RORA: variants seen among roughly 807,000 people sequenced by gnomAD.
The protein encoded by RORA is RAR related orphan receptor A.
RORA carries 7 observed loss-of-function variants against 69.5 expected under a neutral mutation model. The ratio of observed to expected loss-of-function variants is 0.10; its 90% confidence interval spans 0.06 to 0.19. The LOEUF (loss-of-function observed/expected upper bound fraction) is 0.19. RORA is among the 10% of genes least tolerant of loss of function. The pLI, the probability that RORA is intolerant of heterozygous loss-of-function variation, is 1.00. For synonymous variants in RORA, 261 were observed against 240.8 expected (o/e 1.08, Z -0.78); for missense variants, 457 against 663.0 (o/e 0.69, Z 3.41).
chr15:61,126,301 C>T (rs2079142003), intron 1 of RORA, among the ~76,000 whole-genome samples: 1 of 152,172 alleles, frequency 6.6e-6, no homozygotes, highest in Non-Finnish European at 1.5e-5. Flanking sequence ...GATATATGTA[C>T]ACATGGTGAA....
intron 1 of RORA, among the ~76,000 whole-genome samples, chr15:61,015,474 C>CA (rs398118918): frequency 0.19 from 29,254 of 151,080 alleles, 2,906 homozygotes; most frequent in African/African-American, 0.2. Context: ...TTGAAATACA[C>CA]AAAAAAAAAT....
At chr15:60,814,232 C>T (rs1231854619) in intron 1 of RORA, among the ~76,000 whole-genome samples, 1 of 152,152 alleles carries the variant, frequency 6.6e-6, no homozygotes, top group Non-Finnish European at 1.5e-5. Flanking sequence ...ACCTTGGCTC[C>T]TCCCCAAAAC....
intron 1 of RORA, among the ~76,000 whole-genome samples, chr15:60,723,595 T>G (rs1228252839): frequency 2.6e-5 from 4 of 152,142 alleles, no homozygotes; most frequent in Non-Finnish European, 4.4e-5. Flanking sequence ...TAATCCTCCC[T>G]GGAGGTTTTC....
chr15:60,638,753 C>T (rs755273310), intron 2 of RORA, among the ~76,000 whole-genome samples: 30 of 152,106 alleles, frequency 2.0e-4, no homozygotes, highest in Admixed American at 3.3e-4. Flanking sequence ...TGACAACCAA[C>T]GACTGATACA....
intron 1 of RORA, among the ~76,000 whole-genome samples, chr15:61,163,976 T>G (rs1020754462): frequency 1.8e-4 from 27 of 152,198 alleles, no homozygotes; most frequent in African/African-American, 6.3e-4. Context: ...GATCACTGAG[T>G]CTGGGCTCAA....
chr15:60,855,609 C>T (rs1032663060), intron 1 of RORA, among the ~76,000 whole-genome samples: 4 of 140,398 alleles, frequency 2.8e-5, no homozygotes, highest in South Asian at 2.3e-4. Flanking sequence ...GCAGTGTTTG[C>T]TTTTATTTAT....
chr15:60,554,023 G>T (rs942023008), intron 2 of RORA, among the ~76,000 whole-genome samples: 5 of 152,028 alleles, frequency 3.3e-5, no homozygotes, highest in African/African-American at 1.2e-4. Flanking sequence ...CCTGTCTTTT[G>T]TAAGTTTATT....
At chr15:60,931,138 C>T (rs1892361980) in intron 1 of RORA, among the ~76,000 whole-genome samples, 1 of 152,126 alleles carries the variant, frequency 6.6e-6, no homozygotes, top group South Asian at 2.1e-4. Context: ...AAAATTCCAC[C>T]TGGGAAAGAG....
rs528538350 is a variant in RORA, at chr15:61,070,768, A to C, written c.166+158285T>G. On this transcript the variant is annotated intron_variant, in intron 1 of 10. Coordinates refer to ENST00000335670, the MANE Select transcript of RORA (RefSeq NM_134261.3). ...GGTGTTGGAGTTTGTACTCAAACTG[A>C]AGGCTATCTGATAACATTTCATACT... Among the ~76,000 whole-genome samples, 13 of 152,344 alleles carry C rather than the reference A, an allele frequency of 8.5e-5. No homozygotes were observed. The South Asian group carries it at 2.5e-3, about 29-fold the overall frequency.
intron 1 of RORA, among the ~76,000 whole-genome samples, chr15:60,806,478 G>C (rs1043394602): frequency 6.6e-6 from 1 of 152,188 alleles, no homozygotes; most frequent in Non-Finnish European, 1.5e-5. Flanking sequence ...ACTCTTATCA[G>C]TATTACTAAC....
At chr15:61,129,705 CT>C (rs1466871988) in intron 1 of RORA, among the ~76,000 whole-genome samples, 2 of 152,222 alleles carry the variant, frequency 1.3e-5, no homozygotes, top group African/African-American at 4.8e-5. Context: ...TCCGGGCACT[CT>C]GCTAACCCTA....
At chr15:60,507,073 G>C (rs2065530294) in intron 5 of RORA, among the ~76,000 whole-genome samples, 1 of 152,050 alleles carries the variant, frequency 6.6e-6, no homozygotes, top group Admixed American at 6.6e-5. Context: ...GCTCAGGCAG[G>C]AGGACCACAT....
chr15:60,846,982 C>G (rs947252810), intron 1 of RORA, among the ~76,000 whole-genome samples: 4 of 152,052 alleles, frequency 2.6e-5, no homozygotes, highest in African/African-American at 7.2e-5. Flanking sequence ...TGGTACCAAG[C>G]TTTTTGGGCT....
rs537951952 is a variant in RORA at position 60,562,746 on chromosome 15, T to G, written c.197-30895A>C. 5.9e-5 allele frequency among the ~76,000 whole-genome samples: 9 copies of G among 152,064 alleles called. No homozygotes were observed. In the South Asian group the frequency reaches 1.9e-3, roughly 32 times the overall value. On this transcript the variant is annotated intron_variant, in intron 2 of 10. Coordinates refer to ENST00000335670, the MANE Select transcript of RORA (RefSeq NM_134261.3). Reference sequence around the variant, plus strand: ...CATGCATGAGCCACTGTGCCTGGCTTTGAATTTTTTGTAGAGATAGGGGTC... The same window carrying G: ...CATGCATGAGCCACTGTGCCTGGCTGTGAATTTTTTGTAGAGATAGGGGTC...
intron 1 of RORA, among the ~76,000 whole-genome samples, chr15:60,715,191 C>A (rs2071203612): frequency 6.6e-6 from 1 of 152,156 alleles, no homozygotes; most frequent in Non-Finnish European, 1.5e-5. Flanking sequence ...CCATACCTCC[C>A]AATGTGTCAT....
At chr15:60,993,014 G>A (rs1894427135) in intron 1 of RORA, among the ~76,000 whole-genome samples, 1 of 152,054 alleles carries the variant, frequency 6.6e-6, no homozygotes, top group Non-Finnish European at 1.5e-5. Flanking sequence ...TGGAAAGCAT[G>A]AGCTTCTGAT....
At chr15:60,689,966 C>T (rs2070799029) in intron 1 of RORA, among the ~76,000 whole-genome samples, 1 of 152,218 alleles carries the variant, frequency 6.6e-6, no homozygotes, top group African/African-American at 2.4e-5. Flanking sequence ...CCTTTAGCTA[C>T]CACACAGGTG....
intron 2 of RORA, among the ~76,000 whole-genome samples, chr15:60,625,395 C>T (rs1429691290): frequency 6.6e-6 from 1 of 152,192 alleles, no homozygotes; most frequent in Non-Finnish European, 1.5e-5. Context: ...TGAAGGACCA[C>T]TTTGCAACGT....
chr15:60,801,561 A>T (rs927839996), intron 1 of RORA, among the ~76,000 whole-genome samples: 13 of 152,264 alleles, frequency 8.5e-5, no homozygotes, highest in Non-Finnish European at 1.3e-4. Context: ...AATAAAAAAC[A>T]TAAGGGCTAT....
Sources: gnomAD v4.1 joint callset for allele counts (sites outside exome capture counted in the v4.1 genomes callset) on GRCh38, gnomAD v4.1.1 for gene constraint, MANE v1.5 for transcripts, NCBI Gene and HGNC (gene_info 2026-07-23, HGNC 2026-07-21) for gene names.